The following MAPK8IP1 variants were observed in gnomAD, a reference collection of about 807,000 sequenced individuals.
MAPK8IP1 encodes mitogen-activated protein kinase 8 interacting protein 1.
MAPK8IP1 carries 17 observed loss-of-function variants against 72.6 expected under a neutral mutation model. The observed-to-expected ratio is 0.23, with a 90% confidence interval of 0.16 to 0.35. The LOEUF (loss-of-function observed/expected upper bound fraction) is 0.35, where lower values mean the gene tolerates loss of function less well. MAPK8IP1 is among the 10% of genes least tolerant of loss of function. MAPK8IP1 has a pLI of 1.00. For synonymous variants in MAPK8IP1, 401 were observed against 443.4 expected, an observed-to-expected ratio of 0.90 and a Z score of 1.20; for missense variants, 789 against 1,009.7, an observed-to-expected ratio of 0.78 and a Z score of 2.96.
chr11:45,899,100 G>C (rs2086629957), intron 2 of MAPK8IP1, among the ~76,000 whole-genome samples: 1 of 152,296 alleles, frequency 6.6e-6, no homozygotes, highest in East Asian at 1.9e-4. Context: ...CTCTGCAAGA[G>C]GAAACCAAGG....
intron 1 of MAPK8IP1, among the ~76,000 whole-genome samples, chr11:45,891,295 C>T (rs2134665958): frequency 6.6e-6 from 1 of 152,334 alleles, no homozygotes; most frequent in Non-Finnish European, 1.5e-5. Context: ...TGGCCCCACT[C>T]TTGTATTCAT....
intron 1 of MAPK8IP1, among the ~76,000 whole-genome samples, chr11:45,894,612 C>T (rs2086589808): frequency 6.6e-6 from 1 of 152,170 alleles, no homozygotes; most frequent in Admixed American, 6.5e-5. Flanking sequence ...CTAAGCCAGA[C>T]CCTGCAGGCC....
Position 45,903,027 on chromosome 11 carries a change from C to G in MAPK8IP1, c.1260C>G (p.Ser420=), listed in dbSNP as rs747633642. 6.2e-7 allele frequency: 1 copy of G among 1,611,728 alleles called. No homozygotes were observed. The highest frequency in any genetic ancestry group is 2.2e-5 in the East Asian group (1 of 44,884). ...TCTATGACAACTGTGCCTCCGTCTC[C>G]TCGCCCTATGAGTCGGCCATCGGAG... ...ATVYDNCASV[S]SPYESAIGEE... is the part of the protein sequence containing the mutation. Residue 420 remains serine, a synonymous_variant, in exon 5 of 12, where the codon TCC becomes TCG. Transcript: ENST00000241014. The surrounding 1 kb of genome is among the most constrained non-coding windows in gnomAD (Gnocchi z 6.4).
rs780651421 is a variant in MAPK8IP1 at position 45,904,800 on chromosome 11, T to C, written c.1859T>C (p.Ile620Thr). Residue 620 changes from isoleucine (I) to threonine (T), a missense_variant, in exon 9 of 12, where the codon ATA (isoleucine) becomes ACA (threonine). Physicochemically the swap from Ile to Thr is moderately conservative, Grantham distance 89. Around this residue, in one of 4 missense-constraint regions of MAPK8IP1, gnomAD observed 188 missense variants for 293.3 expected, o/e 0.64. Coordinates refer to ENST00000241014, the MANE Select transcript of MAPK8IP1 (RefSeq NM_005456.4). This position sits in a 1 kb window ranked among gnomAD's most constrained non-coding sequence, Gnocchi z 6.4. ...GAGATCAGCGTGCGGGGTGTGAAGA[T>C]AGGCGTCAAGGCCGATGACTCCCAG... Reference protein sequence around the residue: ...VLEISVRGVKIGVKADDSQEA... With the variant: ...VLEISVRGVKTGVKADDSQEA... 4.3e-6 allele frequency: 7 copies of C among 1,613,956 alleles called. No homozygotes were observed. The highest frequency in any genetic ancestry group is 1.3e-5 in the African/African-American group (1 of 74,912).
In MAPK8IP1 at chr11:45,904,077, G is replaced by T; in HGVS notation, c.1582G>T (p.Ala528Ser). The T allele has an allele frequency of 6.2e-7, 1 of 1,614,070 alleles. No individual in the cohort carries two copies. The highest frequency in any genetic ancestry group is 1.3e-5 in the African/African-American group (1 of 75,010). The change falls in exon 7 of 12, where the codon GCC becomes TCC. Residue 528 changes from alanine (A) to serine (S), a missense_variant. Ala to Ser is a moderately conservative substitution (Grantham distance 99, BLOSUM62 1). Around this residue, in one of 4 missense-constraint regions of MAPK8IP1, gnomAD observed 188 missense variants for 293.3 expected, o/e 0.64. Transcript: ENST00000241014. The surrounding 1 kb of genome is among the most constrained non-coding windows in gnomAD (Gnocchi z 6.4). ...ELQAEDYWYE[A>S]YNMRTGARGV... ...CCAGGCTGAAGACTACTGGTACGAG[G>T]CCTACAACATGCGCACTGGTGCCCG...
rs767225737 is a variant in MAPK8IP1 at position 45,902,636 on chromosome 11, C to G, written c.869C>G (p.Pro290Arg). Residue 290 changes from proline (P) to arginine (R), a missense_variant, in exon 5 of 12, where the codon CCA (proline) becomes CGA (arginine). Physicochemically the swap from Pro to Arg is moderately radical, Grantham distance 103. This residue lies in a region of MAPK8IP1 where 377 missense variants were observed against 411.7 expected (regional missense o/e 0.92). Coordinates refer to ENST00000241014, the MANE Select transcript of MAPK8IP1 (RefSeq NM_005456.4). The surrounding 1 kb of genome is among the most constrained non-coding windows in gnomAD (Gnocchi z 9.3). ...EIYLTPVQRPPDAAEPTSAFL... is the reference protein window; with the variant it reads ...EIYLTPVQRPRDAAEPTSAFL... The stretch of plus-strand genomic sequence containing the variant: ...TACCTGACCCCAGTGCAGAGGCCCC[C>G]AGACGCTGCAGAGCCCACCTCCGCC... The G allele has an allele frequency of 6.8e-6, 11 of 1,612,874 alleles. No homozygotes were observed. Among genetic ancestry groups the G allele is most frequent in the Non-Finnish European group, 9.3e-6 (11 of 1,179,950 alleles).
Position 45,905,175 on chromosome 11 carries a change from C to T in MAPK8IP1, c.1989C>T (p.His663=), listed in dbSNP as rs2086695848. 4 of 1,613,322 alleles carry T rather than the reference C, an allele frequency of 2.5e-6. No homozygotes were observed. Among genetic ancestry groups the T allele is most frequent in the African/African-American group, 2.7e-5 (2 of 74,836 alleles). The change falls in exon 11 of 12, where the codon CAC becomes CAT. Residue 663 remains histidine (H), a synonymous_variant. Transcript: ENST00000241014. ...GGTACTTTGGGTTCATCACCAAGCACCCCGCCGACCACCGGTTTGCCTGCC... is the reference window on the plus strand; with the variant it reads ...GGTACTTTGGGTTCATCACCAAGCATCCCGCCGACCACCGGTTTGCCTGCC... ...NNKYFGFITK[H]PADHRFACHV... is the part of the protein sequence containing the mutation.
chr11:45,900,559 G>A lies in MAPK8IP1; in HGVS notation c.522+107G>A, dbSNP rs993978887. The A allele has an allele frequency of 3.8e-6, 5 of 1,319,960 alleles. No individual in the cohort carries two copies. The highest frequency in any genetic ancestry group is 2.3e-5 in the Admixed American group (1 of 42,880). 81.8% of individuals were successfully genotyped at this position (1,319,960 alleles called of 1,614,324 possible). ...GGCACCCACGGGTCCAGTGCCTGGG[G>A]ACAGCGCCTGCATAGGGGCCGCGGT... On this transcript the variant is annotated intron_variant, in intron 3 of 11. Coordinates refer to ENST00000241014, the MANE Select transcript of MAPK8IP1 (RefSeq NM_005456.4). The surrounding 1 kb of genome is among the most constrained non-coding windows in gnomAD (Gnocchi z 6.5).
chr11:45,898,229 A>G, intron 2 of MAPK8IP1, 39 bp downstream of exon 2: 1 of 1,411,124 alleles, frequency 7.1e-7, no homozygotes, highest in Non-Finnish European at 1.0e-6. Flanking sequence ...GTGGGGTGGC[A>G]GGAAGGCTAG....
intron 1 of MAPK8IP1, among the ~76,000 whole-genome samples, chr11:45,888,193 G>T (rs1313505001): frequency 1.3e-5 from 2 of 152,194 alleles, no homozygotes; most frequent in African/African-American, 4.8e-5. Flanking sequence ...TTGACCCCCA[G>T]TGCCACTGTC....
At chr11:45,894,013 T>G (rs963376329) in intron 1 of MAPK8IP1, among the ~76,000 whole-genome samples, 8 of 152,054 alleles carry the variant, frequency 5.3e-5, no homozygotes, top group Non-Finnish European at 1.5e-5. Flanking sequence ...CAGTCCCCCT[T>G]GATCCTTGGT....
chr11:45,903,461 GGGCCTAGCCA>G lies in MAPK8IP1; in HGVS notation c.1493+25_1493+34del, dbSNP rs1565075291. 12 of 1,603,100 alleles carry G rather than the reference GGGCCTAGCCA, an allele frequency of 7.5e-6. No homozygotes were observed. Among genetic ancestry groups the G allele is most frequent in the Non-Finnish European group, 1.0e-5 (12 of 1,176,158 alleles). The stretch of plus-strand genomic sequence containing the variant: ...TTCAGGTGAGAGCCATGGGCTGGCT[GGGCCTAGCCA>G]GGCAGCAGTTTGGGCCACACACCAC... On this transcript the variant is annotated intron_variant, in intron 6 of 11. Coordinates refer to ENST00000241014, the MANE Select transcript of MAPK8IP1 (RefSeq NM_005456.4). This position sits in a 1 kb window ranked among gnomAD's most constrained non-coding sequence, Gnocchi z 6.4.
intron 1 of MAPK8IP1, among the ~76,000 whole-genome samples, chr11:45,894,953 C>T (rs2086592391): frequency 6.6e-6 from 1 of 152,208 alleles, no homozygotes; most frequent in Non-Finnish European, 1.5e-5. Flanking sequence ...GCTGGGAGGG[C>T]TTCCTGGAAG....
chr11:45,894,732 G>A (rs2086590964), intron 1 of MAPK8IP1, among the ~76,000 whole-genome samples: 1 of 152,222 alleles, frequency 6.6e-6, no homozygotes, highest in South Asian at 2.1e-4. Flanking sequence ...GAACTCGCCA[G>A]CTCTGCCCTC....
intron 1 of MAPK8IP1, among the ~76,000 whole-genome samples, chr11:45,887,010 G>T (rs777437363): frequency 7.9e-5 from 12 of 152,162 alleles, no homozygotes; most frequent in Non-Finnish European, 1.5e-4. Flanking sequence ...CCTGAGCTGA[G>T]CTGGAAGGAC....
At chr11:45,893,134 C>T (rs2086579117) in intron 1 of MAPK8IP1, among the ~76,000 whole-genome samples, 1 of 152,236 alleles carries the variant, frequency 6.6e-6, no homozygotes, top group African/African-American at 2.4e-5. Flanking sequence ...GACATCTGAA[C>T]AGCCAATGCC....
intron 2 of MAPK8IP1, among the ~76,000 whole-genome samples, chr11:45,899,834 G>T (rs558804843): frequency 1.0e-3 from 158 of 152,314 alleles, no homozygotes; most frequent in African/African-American, 3.6e-3. Flanking sequence ...TTCACTCTGG[G>T]CTCGGCTTAC....
chr11:45,895,185 A>T (rs150176995), intron 1 of MAPK8IP1, among the ~76,000 whole-genome samples: 105 of 152,288 alleles, frequency 6.9e-4, no homozygotes, highest in African/African-American at 2.3e-3. Context: ...GTTTTGCCTG[A>T]TAGTGGCAGG....
In MAPK8IP1 at chr11:45,900,412, C is replaced by G; in HGVS notation, c.482C>G (p.Pro161Arg). ...GSGDTYRPKR[P>R]TTLNLFPQVP... Reference sequence around the variant, plus strand: ...GGGGACACGTACCGGCCCAAGCGGCCCACCACGCTCAACCTCTTTCCGCAG... The same window carrying G: ...GGGGACACGTACCGGCCCAAGCGGCGCACCACGCTCAACCTCTTTCCGCAG... Residue 161 changes from proline to arginine, a missense_variant, in exon 3 of 12, where the codon CCC (proline) becomes CGC (arginine). By Grantham distance (103) the Pro-to-Arg change is moderately radical. Transcript: ENST00000241014. The surrounding 1 kb of genome is among the most constrained non-coding windows in gnomAD (Gnocchi z 6.5). The G allele has an allele frequency of 6.5e-7, 1 of 1,531,218 alleles. No homozygotes were observed. Among genetic ancestry groups the G allele is most frequent in the Non-Finnish European group, 8.7e-7 (1 of 1,145,186 alleles). 94.9% of individuals were successfully genotyped at this position (1,531,218 alleles called of 1,614,324 possible).
Sources: allele counts gnomAD v4.1 joint callset (sites outside exome capture counted in the v4.1 genomes callset), GRCh38; gene constraint gnomAD v4.1.1; regional missense constraint gnomAD v4.1.1; non-coding constraint Gnocchi (gnomAD v3.1); transcripts MANE v1.5; gene names NCBI Gene and HGNC (gene_info 2026-07-23, HGNC 2026-07-21).